The following DHRS2 variants were observed in gnomAD, a reference collection of about 807,000 sequenced individuals.
The protein encoded by DHRS2 is dehydrogenase/reductase 2, also known as dehydrogenase/reductase SDR family member 2, mitochondrial.
DHRS2 carries 29 observed loss-of-function variants against 26.3 expected under a neutral mutation model. The ratio of observed to expected loss-of-function variants is 1.10; its 90% confidence interval spans 0.82 to 1.50. DHRS2 has a LOEUF of 1.50. Among genes scored for constraint, DHRS2 ranks in the 40% most tolerant of loss-of-function variants. The pLI is 0.00. For missense variants in DHRS2, 439 were observed against 367.1 expected, an observed-to-expected ratio of 1.20 and a Z score of -1.60; for synonymous variants, 164 against 151.3, an observed-to-expected ratio of 1.08 and a Z score of -0.62.
At chr14:23,641,995 T>G in intron 4 of DHRS2, 1 of 1,123,496 alleles carries the variant, frequency 8.9e-7, no homozygotes, top group Non-Finnish European at 1.1e-6. Flanking sequence ...CGCCTCTGCA[T>G]CTTTCCTTGC....
intron 1 of DHRS2, among the ~76,000 whole-genome samples, chr14:23,631,197 G>A (rs960122065): frequency 1.3e-5 from 2 of 152,110 alleles, no homozygotes; most frequent in African/African-American, 4.8e-5. Context: ...CCTGCTATCT[G>A]TCATGTGATG....
upstream of DHRS2, among the ~76,000 whole-genome samples, chr14:23,634,504 AT>A (rs201999628): frequency 3.1e-3 from 470 of 152,094 alleles, 2 homozygotes; most frequent in African/African-American, 0.011. Flanking sequence ...GCAATATAGA[AT>A]TGTTTTACCT....
chr14:23,638,191 G>T (rs565168679), intron 1 of DHRS2: 1 of 154,234 alleles, frequency 6.5e-6, no homozygotes, highest in South Asian at 2.0e-4. Context: ...CACTGCGAAG[G>T]TCTGCAGCTT....
At chr14:23,639,729 G>A (rs1216071271) in intron 3 of DHRS2, 65 bp from the exon 4 acceptor site, 6 of 1,488,706 alleles carry the variant, frequency 4.0e-6, no homozygotes, top group Middle Eastern at 1.8e-4. Flanking sequence ...TTATGACCTG[G>A]GCTGCCCTGG....
At chr14:23,643,491 A>T (rs1461702252) in intron 5 of DHRS2, 2 of 451,154 alleles carry the variant, frequency 4.4e-6, no homozygotes, top group East Asian at 8.5e-5. Context: ...TAACTCCTTG[A>T]CCTTGTGGGC....
intron 5 of DHRS2, 135 bp downstream of exon 5, chr14:23,643,354 C>T (rs969505706): frequency 3.1e-5 from 24 of 774,168 alleles, no homozygotes; most frequent in Middle Eastern, 7.1e-4. Flanking sequence ...ATCTTCTTGT[C>T]CTGCCTCCCC....
At chr14:23,640,983 C>G (rs1212418809) in intron 4 of DHRS2, 1 of 152,220 alleles carries the variant, frequency 6.6e-6, no homozygotes, top group East Asian at 1.9e-4. Flanking sequence ...TTTCTCGAAA[C>G]TGTTGCAGTC....
intron 8 of DHRS2, 115 bp from the exon 9 acceptor site, chr14:23,645,027 C>A: frequency 6.4e-7 from 1 of 1,570,820 alleles, no homozygotes. Context: ...GTGCAAGTAG[C>A]CCTGCTGCAT....
In DHRS2 at chr14:23,639,223, A is replaced by G; in HGVS notation, c.185A>G (p.His62Arg). ...IARRLARDGA[H>R]VVISSRKQQN... The stretch of plus-strand genomic sequence containing the variant: ...CGACGTCTGGCCCGGGACGGGGCCC[A>G]CGTGGTCATCAGCAGCCGGAAGCAG... The change falls in exon 3 of 9, where the codon CAC becomes CGC. Residue 62 changes from histidine to arginine, a missense_variant. Transcript: ENST00000250383. 6.2e-7 allele frequency: 1 copy of G among 1,613,926 alleles called. No individual in the cohort carries two copies.
rs140094732 is a variant in DHRS2, at chr14:23,638,881, C to T, written c.17C>T (p.Ala6Val). ...CCAACCACTATGCTGTCAGCAGTTG[C>T]CCGGGGCTACCAGGGCTGGTTTCAT... Reference protein sequence around the residue: MLSAVARGYQGWFHPC... With the variant: MLSAVVRGYQGWFHPC... The change falls in exon 2 of 9, where the codon GCC becomes GTC. Residue 6 changes from alanine (A) to valine (V), a missense_variant. Ala to Val is a moderately conservative substitution (Grantham distance 64). Coordinates refer to ENST00000250383, the MANE Select transcript of DHRS2 (RefSeq NM_005794.4). 48 of 1,613,878 alleles carry T rather than the reference C, an allele frequency of 3.0e-5. No homozygotes were observed. Among genetic ancestry groups the T allele is most frequent in the Non-Finnish European group, 4.0e-5 (47 of 1,179,922 alleles).
At chr14:23,643,424 G>C in intron 5 of DHRS2, 1 of 570,916 alleles carries the variant, frequency 1.8e-6, no homozygotes, top group Non-Finnish European at 3.1e-6. Context: ...TATTCCAGGG[G>C]CCCAGGCATA....
chr14:23,640,322 C>T lies in DHRS2; in HGVS notation c.420+427C>T, dbSNP rs746363797. ...TTTCTTTGGTGACCTGTGCCTGTAG[C>T]GGAGACTGTCTCTCCTAGAAGGGGG... On this transcript the variant is annotated intron_variant, in intron 4 of 8. Transcript: ENST00000250383. 1.0e-3 allele frequency: 1,030 copies of T among 985,536 alleles called. 1 individual carries two copies. Among genetic ancestry groups the T allele is most frequent in the Non-Finnish European group, 1.2e-3 (966 of 830,082 alleles). 61.0% of individuals were successfully genotyped at this position (985,536 alleles called of 1,614,324 possible).
In DHRS2 at chr14:23,631,169, C is replaced by T. The variant is rs111275758; in HGVS notation, c.-39+934C>T. Among the ~76,000 whole-genome samples, 913 of 152,222 alleles carry T rather than the reference C, an allele frequency of 6.0e-3. 7 individuals are homozygous for T. The highest frequency in any genetic ancestry group is 0.01 in the Middle Eastern group (3 of 294). On this transcript the variant is annotated intron_variant, in intron 1 of 6. Coordinates refer to the DHRS2 transcript ENST00000432832. ...AAGAAATGCATTTTGATGTAAAATA[C>T]TTCAGTTTTTTTCAGGACCTGCTAT...
chr14:23,633,940 C>T (rs1355250613), upstream of DHRS2, among the ~76,000 whole-genome samples: 4 of 151,296 alleles, frequency 2.6e-5, no homozygotes, highest in South Asian at 4.2e-4. Context: ...ATAACACATA[C>T]GTAAAAAGTA....
rs536227234 is a variant in DHRS2 at position 23,644,573 on chromosome 14, A to T, written c.675+30A>T. The T allele has an allele frequency of 7.5e-5, 121 of 1,614,186 alleles. 4 individuals are homozygous for T. The South Asian group carries it at 1.3e-3, about 17-fold the overall frequency. ...GGATTGGGTGTGTCTTCCATCTCCC[A>T]GTCTGGCTCAGTGGGAACCCTTCCC... On this transcript the variant is annotated intron_variant, in intron 7 of 8. Coordinates refer to ENST00000250383, the MANE Select transcript of DHRS2 (RefSeq NM_005794.4).
At chr14:23,634,208 T>C (rs978829446), upstream of DHRS2, among the ~76,000 whole-genome samples, 9 of 151,864 alleles carry the variant, frequency 5.9e-5, no homozygotes, top group African/African-American at 1.9e-4. Context: ...GCTGGGACTA[T>C]AGGCATGCGC....
chr14:23,634,146 C>A (rs1287629757), upstream of DHRS2, among the ~76,000 whole-genome samples: 1 of 134,426 alleles, frequency 7.4e-6, no homozygotes, highest in Non-Finnish European at 1.5e-5. Context: ...TGGCTCACTG[C>A]AACCTCCAAC....
chr14:23,643,950 C>G (rs1890768667), intron 5 of DHRS2, 161 bp from the exon 6 acceptor site: 1 of 723,146 alleles, frequency 1.4e-6, no homozygotes, highest in South Asian at 1.6e-5. Flanking sequence ...TTGGCTGGTA[C>G]TAAACCTTTC....
At chr14:23,644,773 C>T in intron 7 of DHRS2, 54 bp from the exon 8 acceptor site, 1 of 1,600,050 alleles carries the variant, frequency 6.2e-7, no homozygotes, top group East Asian at 2.2e-5. Context: ...TTCCCGGGGC[C>T]CTGCCCATCT....
Sources: allele counts gnomAD v4.1 joint callset (sites outside exome capture counted in the v4.1 genomes callset), GRCh38; gene constraint gnomAD v4.1.1; transcripts MANE v1.5; gene names NCBI Gene and HGNC (gene_info 2026-07-23, HGNC 2026-07-21).